The following SATB2 variants were observed in gnomAD, a reference collection of about 807,000 sequenced individuals.
The protein encoded by SATB2 is SATB homeobox 2, also known as DNA-binding protein SATB2.
SATB2 carries 1 observed loss-of-function variant against 73.4 expected under a neutral mutation model. That is an observed-to-expected ratio of 0.01 (90% CI 0.00 to 0.06). The LOEUF is 0.06. Ranked by LOEUF, SATB2 falls within the 10% of genes least tolerant of loss-of-function variation. The probability of loss-of-function intolerance (pLI) is 1.00; values close to 1 mark genes in which losing one functional copy is unlikely to be tolerated. For synonymous variants in SATB2, 397 were observed against 367.0 expected (o/e 1.08, Z -0.93); for missense variants, 459 against 945.8 (o/e 0.49, Z 6.75).
Position 199,272,283 on chromosome 2 carries a change from C to T in SATB2, c.2130G>A (p.Met710Ile), listed in dbSNP as rs1286415699. The T allele has an allele frequency of 1.2e-6, 2 of 1,614,218 alleles. No homozygotes were observed. The highest frequency in any genetic ancestry group is 1.7e-6 in the Non-Finnish European group (2 of 1,180,030). ...TTTCCTCCTCAGCCTCCACTTTGTA[C>T]ATCTCCTCGGAGCCTTCCTCGCTGT... ...ENDSEEGSEE[M>I]YKVEAEEENA... The change falls in exon 11 of 11, where the codon ATG (methionine) becomes ATA (isoleucine). Residue 710 changes from methionine to isoleucine, a missense_variant. By Grantham distance (10) the Met-to-Ile change is conservative (BLOSUM62 1). Coordinates refer to ENST00000417098, the MANE Select transcript of SATB2 (RefSeq NM_001172509.2). This position sits in a 1 kb window ranked among gnomAD's most constrained non-coding sequence, Gnocchi z 6.7.
At chr2:199,387,687 T>A (rs1051808040) in intron 3 of SATB2, among the ~76,000 whole-genome samples, 8 of 152,222 alleles carry the variant, frequency 5.3e-5, no homozygotes, top group Admixed American at 3.3e-4. Context: ...ACAGTATGAA[T>A]AAAACCGTCT....
chr2:199,430,525 G>C (rs1691470357), intron 3 of SATB2, among the ~76,000 whole-genome samples: 1 of 152,178 alleles, frequency 6.6e-6, no homozygotes, highest in Admixed American at 6.5e-5. Flanking sequence ...GGGTCAGCTA[G>C]AAACACAGTT....
intron 3 of SATB2, among the ~76,000 whole-genome samples, chr2:199,420,089 A>T (rs189777660): frequency 6.6e-6 from 1 of 152,292 alleles, no homozygotes; most frequent in African/African-American, 2.4e-5. Context: ...GTCTCAAGAA[A>T]CAGAATGCCT....
At position 199,403,437 on chromosome 2, in the gene SATB2, C is replaced by T. The variant is rs1026904884; in HGVS notation, c.347-21617G>A. 3.9e-5 allele frequency among the ~76,000 whole-genome samples: 6 copies of T among 152,132 alleles called. No homozygotes were observed. The East Asian group carries it at 1.2e-3, about 29-fold the overall frequency. On this transcript the variant is annotated intron_variant, in intron 3 of 10. Transcript: ENST00000417098. ...AAGAAAGAAAAGAGACTATGAGGGG[C>T]ATAAAGCAGATTTTAACTTTATCAG...
chr2:199,292,817 G>A (rs1204115100), intron 10 of SATB2, among the ~76,000 whole-genome samples: 2 of 152,144 alleles, frequency 1.3e-5, no homozygotes, highest in Non-Finnish European at 2.9e-5. Context: ...ATTAAATGCT[G>A]TCAAAGTAGA....
intron 7 of SATB2, among the ~76,000 whole-genome samples, chr2:199,334,803 G>C (rs775544763): frequency 6.6e-6 from 1 of 152,040 alleles, no homozygotes; most frequent in Non-Finnish European, 1.5e-5. Context: ...TTAAATCAGC[G>C]ACATGGCTGT....
intron 2 of SATB2, among the ~76,000 whole-genome samples, chr2:199,449,577 T>C (rs1364642616): frequency 6.6e-6 from 1 of 152,188 alleles, no homozygotes; most frequent in Non-Finnish European, 1.5e-5. Context: ...AATAGCATAC[T>C]ATAATGACTA....
chr2:199,370,918 C>T (rs1689426425), intron 5 of SATB2, among the ~76,000 whole-genome samples: 1 of 67,468 alleles, frequency 1.5e-5, no homozygotes, highest in African/African-American at 6.0e-5. Context: ...ATAACAAAAA[C>T]ATAAACAGGT....
At chr2:199,389,279 T>C (rs17199540) in intron 3 of SATB2, among the ~76,000 whole-genome samples, 3 of 152,164 alleles carry the variant, frequency 2.0e-5, no homozygotes, top group African/African-American at 7.2e-5. Flanking sequence ...CTTGTTGGAA[T>C]AAACCTAACT....
At chr2:199,375,200 G>C (rs1161042205) in intron 5 of SATB2, among the ~76,000 whole-genome samples, 3 of 152,100 alleles carry the variant, frequency 2.0e-5, no homozygotes, top group African/African-American at 7.2e-5. Flanking sequence ...CAATCATAAG[G>C]TTTTCAAATT....
chr2:199,324,572 CCGTTTT>C (rs2105790046), intron 8 of SATB2, among the ~76,000 whole-genome samples: 1 of 152,164 alleles, frequency 6.6e-6, no homozygotes, highest in Admixed American at 6.6e-5. Context: ...CTTTGATGTG[CCGTTTT>C]CATTTTCTTA....
intron 9 of SATB2, among the ~76,000 whole-genome samples, chr2:199,312,984 T>C (rs1381912372): frequency 6.6e-6 from 1 of 152,092 alleles, no homozygotes; most frequent in African/African-American, 2.4e-5. Context: ...AGGAGAATAA[T>C]AATAACTAAA....
At chr2:199,290,664 C>G (rs1431030231) in intron 10 of SATB2, among the ~76,000 whole-genome samples, 1 of 152,186 alleles carries the variant, frequency 6.6e-6, no homozygotes, top group Non-Finnish European at 1.5e-5. Flanking sequence ...CTGACTCACA[C>G]AGTTCTTTAA....
At chr2:199,395,347 T>C (rs898533436) in intron 3 of SATB2, among the ~76,000 whole-genome samples, 3 of 152,238 alleles carry the variant, frequency 2.0e-5, no homozygotes, top group Non-Finnish European at 4.4e-5. Flanking sequence ...TTAAAATTAA[T>C]TTGTACCAGA....
Position 199,382,817 on chromosome 2 carries a change from T to C in SATB2, c.347-997A>G, listed in dbSNP as rs190678812. The stretch of plus-strand genomic sequence containing the variant: ...AATTGCCACACATAAAAAGCAGTGA[T>C]GCTTTAGTGATAAAAGAAAAACAGC... On this transcript the variant is annotated intron_variant, in intron 3 of 10. Transcript: ENST00000417098. 2.0e-3 allele frequency among the ~76,000 whole-genome samples: 302 copies of C among 152,328 alleles called. 2 individuals carry two copies. The highest frequency in any genetic ancestry group is 6.8e-3 in the African/African-American group (281 of 41,572).
chr2:199,327,899 T>C (rs560325085), intron 8 of SATB2, among the ~76,000 whole-genome samples: 1 of 152,248 alleles, frequency 6.6e-6, no homozygotes, highest in South Asian at 2.1e-4. Context: ...ACTGCAAGTG[T>C]TCCTCCATTT....
intron 2 of SATB2, among the ~76,000 whole-genome samples, chr2:199,439,885 C>T (rs1691760339): frequency 6.6e-6 from 1 of 152,126 alleles, no homozygotes; most frequent in African/African-American, 2.4e-5. Context: ...AGGCGGATCA[C>T]CTGAGGTCAG....
At chr2:199,458,644 G>A (rs1182484664), upstream of SATB2, 6 of 439,264 alleles carry the variant, frequency 1.4e-5, no homozygotes, top group East Asian at 5.0e-4. Context: ...GTCTGCCGGC[G>A]GAGACGCAGA....
In SATB2 at chr2:199,441,345, T is replaced by C. The variant is rs572452498; in HGVS notation, c.170-7831A>G. ...AGAAAAAACCAACTAGAAAAACAAG[T>C]GAATTTTTCAGAGAATGTGTACTTT... On this transcript the variant is annotated intron_variant, in intron 2 of 10. Transcript: ENST00000417098. Among the ~76,000 whole-genome samples, 30 of 152,232 alleles carry C rather than the reference T, an allele frequency of 2.0e-4. No homozygotes were observed. The East Asian group carries it at 5.4e-3, about 27-fold the overall frequency.
Sources: allele counts gnomAD v4.1 joint callset (sites outside exome capture counted in the v4.1 genomes callset), GRCh38; gene constraint gnomAD v4.1.1; non-coding constraint Gnocchi (gnomAD v3.1); transcripts MANE v1.5; gene names NCBI Gene and HGNC (gene_info 2026-07-23, HGNC 2026-07-21).